Variants in KCNK9 observed in about 807,000 individuals in gnomAD.
KCNK9 encodes potassium two pore domain channel subfamily K member 9.
In KCNK9, 1 loss-of-function variant was observed where a neutral mutation model predicts 10.8. The observed-to-expected ratio is 0.09, with a 90% CI of 0.03 to 0.44. The LOEUF (loss-of-function observed/expected upper bound fraction) is 0.44, where lower values mean the gene tolerates loss of function less well. KCNK9 is among the 20% of genes least tolerant of loss of function. The pLI is 0.97. For synonymous variants in KCNK9, 231 were observed against 222.7 expected (o/e 1.04, Z -0.33); for missense variants, 303 against 515.0 (o/e 0.59, Z 3.98).
intron 1 of KCNK9, among the ~76,000 whole-genome samples, chr8:139,663,204 ATGCACACACACG>A (rs1293483930): frequency 2.6e-5 from 4 of 152,066 alleles, no homozygotes; most frequent in African/African-American, 4.8e-5. Flanking sequence ...CCACATACAC[ATGCACACACACG>A]TGCACACACA....
chr8:139,658,198 C>A (rs547992324), intron 1 of KCNK9, among the ~76,000 whole-genome samples: 1 of 152,280 alleles, frequency 6.6e-6, no homozygotes, highest in East Asian at 1.9e-4. Context: ...ACACAAGGGG[C>A]TAGCAGGGGG....
chr8:139,697,481 G>T (rs577154235), intron 1 of KCNK9, among the ~76,000 whole-genome samples: 1 of 151,762 alleles, frequency 6.6e-6, no homozygotes, highest in East Asian at 1.9e-4. Context: ...GTGGATAGCT[G>T]GGTGGGTGGG....
intron 1 of KCNK9, among the ~76,000 whole-genome samples, chr8:139,642,244 G>C (rs981877536): frequency 6.6e-6 from 1 of 152,242 alleles, no homozygotes; most frequent in Non-Finnish European, 1.5e-5. Flanking sequence ...CAGCCTGTGC[G>C]AATGTAGTGG....
intron 1 of KCNK9, among the ~76,000 whole-genome samples, chr8:139,675,681 G>A (rs1816532884): frequency 6.6e-6 from 1 of 152,098 alleles, no homozygotes; most frequent in Admixed American, 6.5e-5. Flanking sequence ...CCCGAAATAA[G>A]ACACTCTCAG....
intron 1 of KCNK9, among the ~76,000 whole-genome samples, chr8:139,642,595 C>T (rs1815537140): frequency 6.6e-6 from 1 of 152,206 alleles, no homozygotes; most frequent in Non-Finnish European, 1.5e-5. Context: ...CTCCTCCTCC[C>T]ACACCTGGCC....
chr8:139,649,239 G>T (rs1445324503), intron 1 of KCNK9, among the ~76,000 whole-genome samples: 1 of 152,120 alleles, frequency 6.6e-6, no homozygotes. Context: ...AAAATGACAG[G>T]ATTTTCAAGT....
chr8:139,628,008 A>T (rs1815032025), intron 1 of KCNK9, among the ~76,000 whole-genome samples: 1 of 152,288 alleles, frequency 6.6e-6, no homozygotes, highest in African/African-American at 2.4e-5. Flanking sequence ...GTATCTAATT[A>T]GTGTCCAATT....
At chr8:139,700,942 T>G (rs937587470) in intron 1 of KCNK9, among the ~76,000 whole-genome samples, 14 of 152,210 alleles carry the variant, frequency 9.2e-5, no homozygotes, top group African/African-American at 3.1e-4. Flanking sequence ...ATGTGCCTGT[T>G]TTACTACTGG....
At chr8:139,606,242 C>T (rs1290143379) in intron 2 of KCNK9, among the ~76,000 whole-genome samples, 2 of 152,196 alleles carry the variant, frequency 1.3e-5, no homozygotes, top group Non-Finnish European at 2.9e-5. Context: ...CCCATTTCTG[C>T]TACAACTTTC....
chr8:139,606,446 T>C (rs980294205), intron 2 of KCNK9, among the ~76,000 whole-genome samples: 4 of 152,034 alleles, frequency 2.6e-5, no homozygotes, highest in Non-Finnish European at 4.4e-5. Flanking sequence ...ATACCCCAGA[T>C]GGATGCACGA....
At chr8:139,617,006 C>T (rs1020359034), downstream of KCNK9, 9 of 152,152 alleles carry the variant, frequency 5.9e-5, no homozygotes, top group African/African-American at 2.2e-4. Flanking sequence ...CAAAATTTTC[C>T]CCTGAGATTG....
intron 1 of KCNK9, among the ~76,000 whole-genome samples, chr8:139,690,171 A>G (rs1249285748): frequency 6.6e-6 from 1 of 151,610 alleles, no homozygotes; most frequent in Non-Finnish European, 1.5e-5. Context: ...GTTAGCACAG[A>G]CTCTGAAGTC....
chr8:139,622,772 G>A (rs1264041122), intron 1 of KCNK9, among the ~76,000 whole-genome samples: 2 of 152,202 alleles, frequency 1.3e-5, no homozygotes, highest in South Asian at 2.1e-4. Flanking sequence ...TGCAGGTACT[G>A]TGTACAAACA....
chr8:139,673,805 CA>C (rs1383379476), intron 1 of KCNK9, among the ~76,000 whole-genome samples: 9 of 152,048 alleles, frequency 5.9e-5, no homozygotes, highest in Non-Finnish European at 1.3e-4. Context: ...AGCCCCTCCC[CA>C]CCCCTGCAGA....
In KCNK9 at chr8:139,618,570, C is replaced by T; in HGVS notation, c.813G>A (p.Met271Ile). The T allele has an allele frequency of 6.2e-7, 1 of 1,613,740 alleles. No individual in the cohort carries two copies. The highest frequency in any genetic ancestry group is 8.5e-7 in the Non-Finnish European group (1 of 1,179,812). The change falls in exon 2 of 2, where the codon ATG becomes ATA. Residue 271 changes from methionine (M) to isoleucine (I), a missense_variant. By Grantham distance (10) the Met-to-Ile change is conservative. This residue lies in a region of KCNK9 where 138 missense variants were observed against 161.1 expected (regional missense o/e 0.86). Transcript: ENST00000520439. This position sits in a 1 kb window ranked among gnomAD's most constrained non-coding sequence, Gnocchi z 7.9. ...GCGGCTCCTCAGGGATGTGAATGAC[C>T]ATGCTGTTGCGGTTTCCGGCGAGGG... ...RASLAGNRNS[M>I]VIHIPEEPRP...
chr8:139,690,398 T>G (rs1259460804), intron 1 of KCNK9, among the ~76,000 whole-genome samples: 5 of 152,178 alleles, frequency 3.3e-5, no homozygotes, highest in Non-Finnish European at 5.9e-5. Context: ...TCTTTGGTTG[T>G]GGTAAGAGAA....
At chr8:139,657,197 T>C (rs1816044568) in intron 1 of KCNK9, among the ~76,000 whole-genome samples, 1 of 152,188 alleles carries the variant, frequency 6.6e-6, no homozygotes, top group Non-Finnish European at 1.5e-5. Context: ...TGAGCCAGGA[T>C]TGCACTCAAG....
chr8:139,692,201 C>T (rs564678729), intron 1 of KCNK9, among the ~76,000 whole-genome samples: 18 of 152,356 alleles, frequency 1.2e-4, no homozygotes, highest in East Asian at 9.6e-4. Flanking sequence ...GCCTGCCCCA[C>T]GCTTCGCAAC....
At chr8:139,654,092 G>C (rs1815947999) in intron 1 of KCNK9, among the ~76,000 whole-genome samples, 1 of 152,248 alleles carries the variant, frequency 6.6e-6, no homozygotes, top group Non-Finnish European at 1.5e-5. Context: ...CCCAGGAACA[G>C]AGCTTTCCAG....
Sources: gnomAD v4.1 joint callset for allele counts (sites outside exome capture counted in the v4.1 genomes callset) on GRCh38, gnomAD v4.1.1 for gene constraint, gnomAD v4.1.1 regional missense constraint, Gnocchi (gnomAD v3.1) non-coding constraint, MANE v1.5 for transcripts, NCBI Gene and HGNC (gene_info 2026-07-23, HGNC 2026-07-21) for gene names.